SLC7A7: variants seen among roughly 807,000 people sequenced by gnomAD.
SLC7A7 encodes the protein solute carrier family 7 member 7.
SLC7A7 carries 39 observed loss-of-function variants against 47.9 expected under a neutral mutation model. The observed-to-expected ratio is 0.81, with a 90% CI of 0.63 to 1.06. The LOEUF (loss-of-function observed/expected upper bound fraction) is 1.06. SLC7A7 is among the 50% of genes least tolerant of loss of function. SLC7A7 has a pLI of 0.00. For synonymous variants in SLC7A7, 234 were observed against 242.8 expected, an observed-to-expected ratio of 0.96 and a Z score of 0.34; for missense variants, 588 against 632.0, an observed-to-expected ratio of 0.93 and a Z score of 0.75.
chr14:22,802,118 G>A (rs1240763800), intron 2 of SLC7A7, among the ~76,000 whole-genome samples: 2 of 152,052 alleles, frequency 1.3e-5, no homozygotes, highest in African/African-American at 4.8e-5. Flanking sequence ...TTTATTGAGG[G>A]CCGGGCACGG....
chr14:22,809,731 C>T (rs1383058759), intron 2 of SLC7A7, among the ~76,000 whole-genome samples: 2 of 151,966 alleles, frequency 1.3e-5, no homozygotes, highest in Non-Finnish European at 2.9e-5. Flanking sequence ...CGACTGCACC[C>T]GGCCTTTGCA....
intron 2 of SLC7A7, 106 bp downstream of exon 2, chr14:22,812,794 T>TATATATA (rs1372388510): frequency 3.2e-5 from 27 of 834,260 alleles, no homozygotes; most frequent in Non-Finnish European, 4.1e-5. Flanking sequence ...TATATATATG[T>TATATATA]TGTCAGAGAC....
At chr14:22,786,416 C>G (rs1368486963) in intron 2 of SLC7A7, among the ~76,000 whole-genome samples, 1 of 152,194 alleles carries the variant, frequency 6.6e-6, no homozygotes. Context: ...ATGTGGCTTC[C>G]AGACCCCTCA....
intron 3 of SLC7A7, among the ~76,000 whole-genome samples, chr14:22,779,616 G>A (rs556886146): frequency 3.3e-4 from 50 of 151,930 alleles, no homozygotes; most frequent in African/African-American, 9.7e-4. Flanking sequence ...CACCATGCCC[G>A]GCTAATTTTT....
At chr14:22,775,181 A>G (rs2038575723) in intron 7 of SLC7A7, among the ~76,000 whole-genome samples, 2 of 152,074 alleles carry the variant, frequency 1.3e-5, no homozygotes, top group Admixed American at 6.6e-5. Flanking sequence ...ATCACTCACT[A>G]TCTGTCATGG....
chr14:22,792,228 GAT>G (rs2038936246), intron 2 of SLC7A7, among the ~76,000 whole-genome samples: 3 of 152,120 alleles, frequency 2.0e-5, no homozygotes, highest in African/African-American at 7.2e-5. Context: ...ATTTCTCTCA[GAT>G]AGCAGATGGC....
In SLC7A7 at chr14:22,814,890, G is replaced by C. The variant is rs564126160; in HGVS notation, c.-43+430C>G. Reference sequence around the variant, plus strand: ...CAAGTAGACCCACTTCACCCTGAAAGAAGACAGGCTATTATCTTTTCCTTG... The same window carrying C: ...CAAGTAGACCCACTTCACCCTGAAACAAGACAGGCTATTATCTTTTCCTTG... On this transcript the variant is annotated intron_variant, in intron 1 of 9. Coordinates refer to ENST00000674313, the MANE Select transcript of SLC7A7 (RefSeq NM_003982.4). 1.9e-4 allele frequency: 34 copies of C among 177,774 alleles called. 1 individual carries two copies. Among genetic ancestry groups the C allele is most frequent in the African/African-American group, 7.6e-4 (32 of 42,140 alleles). The allele number at this position is 177,774 out of a possible 1,614,324, so 11.0% of individuals were successfully genotyped here. A position where few individuals can be genotyped will look rare whatever the true frequency, so the allele number is the denominator to read the frequency against.
At chr14:22,791,574 C>T (rs2038923962) in intron 2 of SLC7A7, among the ~76,000 whole-genome samples, 1 of 152,120 alleles carries the variant, frequency 6.6e-6, no homozygotes, top group Admixed American at 6.6e-5. Context: ...CTAGGTTAGG[C>T]TGGGTCTGTG....
intron 4 of SLC7A7, among the ~76,000 whole-genome samples, chr14:22,776,836 G>C (rs940612469): frequency 2.0e-5 from 3 of 152,150 alleles, no homozygotes; most frequent in Non-Finnish European, 4.4e-5. Context: ...AGGCATGGTG[G>C]CATGCACCTG....
intron 2 of SLC7A7, among the ~76,000 whole-genome samples, chr14:22,811,546 T>C (rs1239181315): frequency 1.3e-5 from 2 of 152,164 alleles, no homozygotes; most frequent in African/African-American, 2.4e-5. Context: ...GAAATGACAG[T>C]ATTAAAAATC....
chr14:22,803,851 C>T (rs1434322157), intron 2 of SLC7A7, among the ~76,000 whole-genome samples: 2 of 152,198 alleles, frequency 1.3e-5, no homozygotes. Flanking sequence ...ACTATGTCTA[C>T]CTCGCTTCCC....
intron 2 of SLC7A7, among the ~76,000 whole-genome samples, chr14:22,807,299 C>T (rs914220997): frequency 6.6e-6 from 1 of 152,174 alleles, no homozygotes; most frequent in East Asian, 1.9e-4. Context: ...GCTCCCTAAA[C>T]CAGTCTCCCC....
intron 2 of SLC7A7, among the ~76,000 whole-genome samples, chr14:22,798,776 C>G (rs1032571660): frequency 3.9e-5 from 6 of 152,084 alleles, no homozygotes; most frequent in Admixed American, 3.9e-4. Flanking sequence ...TTCCTTTGAC[C>G]CTCTGAGTTG....
chr14:22,779,030 T>C (rs766749314), intron 3 of SLC7A7, 93 bp from the exon 4 acceptor site: 3 of 1,517,030 alleles, frequency 2.0e-6, no homozygotes, highest in Non-Finnish European at 2.7e-6. Flanking sequence ...TATGGTAATA[T>C]AATAGCAGGT....
intron 2 of SLC7A7, among the ~76,000 whole-genome samples, chr14:22,787,907 A>G (rs2038847455): frequency 6.6e-6 from 1 of 151,832 alleles, no homozygotes; most frequent in Non-Finnish European, 1.5e-5. Context: ...CCCCATCTCT[A>G]CTAAAAATAC....
At chr14:22,780,157 A>G in intron 2 of SLC7A7, 106 bp from the exon 3 acceptor site, 1 of 1,489,172 alleles carries the variant, frequency 6.7e-7, no homozygotes, top group Non-Finnish European at 9.3e-7. Flanking sequence ...TATACCCTTC[A>G]GCCAAAGACA....
In SLC7A7 at chr14:22,778,840, G is replaced by A. The variant is rs751530174; in HGVS notation, c.723C>T (p.Gly241=). ...CAGTGACATAGTTGAGGGTGTCCCA[G>A]CCTGAGTAGGAGAACAGAGCTGAGT... ...ALYSALFSYS[G]WDTLNYVTEE... is the part of the protein sequence containing the mutation. Residue 241 remains glycine, a synonymous_variant, in exon 4 of 10, where the codon GGC becomes GGT. Coordinates refer to ENST00000674313, the MANE Select transcript of SLC7A7 (RefSeq NM_003982.4). 4 of 1,614,114 alleles carry A rather than the reference G, an allele frequency of 2.5e-6. No individual in the cohort carries two copies. In the African/African-American group the frequency reaches 5.3e-5, roughly 22 times the overall value.
chr14:22,794,903 A>G (rs577758885), intron 2 of SLC7A7, among the ~76,000 whole-genome samples: 4 of 152,130 alleles, frequency 2.6e-5, no homozygotes, highest in African/African-American at 7.2e-5. Flanking sequence ...GACAATTGAG[A>G]ACGGCTTTTC....
intron 2 of SLC7A7, among the ~76,000 whole-genome samples, chr14:22,807,457 A>C (rs2039233061): frequency 1.3e-5 from 2 of 152,124 alleles, no homozygotes; most frequent in South Asian, 4.1e-4. Context: ...CTGTAATCCT[A>C]GCTACTCAGG....
Sources: gnomAD v4.1 joint callset for allele counts (sites outside exome capture counted in the v4.1 genomes callset) on GRCh38, gnomAD v4.1.1 for gene constraint, MANE v1.5 for transcripts, NCBI Gene and HGNC (gene_info 2026-07-23, HGNC 2026-07-21) for gene names.